ABCC9: variants seen among roughly 807,000 people sequenced by gnomAD.
ABCC9 encodes the protein ATP binding cassette subfamily C member 9.
A neutral mutation model predicts 188.3 loss-of-function variants in ABCC9; 95 were observed. The observed-to-expected ratio is 0.50, with a 90% CI of 0.43 to 0.60. ABCC9 has a LOEUF of 0.60. Among genes scored for constraint, ABCC9 ranks in the 20% least tolerant of loss-of-function variants. The pLI, the probability that ABCC9 is intolerant of heterozygous loss-of-function variation, is 0.00. For synonymous variants in ABCC9, 659 were observed against 652.7 expected (o/e 1.01, Z -0.15); for missense variants, 1,102 against 1,876.3 (o/e 0.59, Z 7.62).
chr12:21,817,329 A>G (rs538119713), intron 32 of ABCC9, 22 bp from the exon 33 acceptor site: 1 of 1,611,736 alleles, frequency 6.2e-7, no homozygotes, highest in Admixed American at 1.7e-5. Context: ...GATTAAAAAA[A>G]TTGTTTTAAA....
At chr12:21,896,829 A>G (rs1490483949) in intron 12 of ABCC9, among the ~76,000 whole-genome samples, 1 of 152,244 alleles carries the variant, frequency 6.6e-6, no homozygotes, top group African/African-American at 2.4e-5. Context: ...ACTGATGGAC[A>G]TTTGGATTGA....
At chr12:21,867,496 T>C (rs1945837796) in intron 18 of ABCC9, among the ~76,000 whole-genome samples, 1 of 152,152 alleles carries the variant, frequency 6.6e-6, no homozygotes, top group Non-Finnish European at 1.5e-5. Flanking sequence ...ACACAGTGTA[T>C]TAGCAACTTC....
Position 21,829,359 on chromosome 12 carries a change from G to A in ABCC9, c.3567-299C>T, listed in dbSNP as rs187284215. 1.5e-3 allele frequency among the ~76,000 whole-genome samples: 234 copies of A among 151,938 alleles called. 5 individuals are homozygous for A. In the East Asian group the frequency reaches 0.04, roughly 26 times the overall value. On this transcript the variant is annotated intron_variant, in intron 30 of 39. Transcript: ENST00000261200. The stretch of plus-strand genomic sequence containing the variant: ...TGGGACTACAGGCACCCGCCACCAT[G>A]CCCGGCTAATTTTTTGTATTTTTAG...
intron 39 of ABCC9, among the ~76,000 whole-genome samples, chr12:21,804,687 C>G (rs1357465523): frequency 1.3e-5 from 2 of 152,164 alleles, no homozygotes; most frequent in Admixed American, 1.3e-4. Flanking sequence ...TCATTTCCTG[C>G]CATCTTGAAA....
intron 24 of ABCC9, among the ~76,000 whole-genome samples, chr12:21,850,106 C>G (rs77732183): frequency 6.6e-6 from 1 of 151,190 alleles, no homozygotes; most frequent in Non-Finnish European, 1.5e-5. Context: ...AGCTGGACAA[C>G]GCACTGTTGC....
chr12:21,905,112 G>A (rs545692104), intron 12 of ABCC9, among the ~76,000 whole-genome samples: 10 of 152,174 alleles, frequency 6.6e-5, no homozygotes, highest in African/African-American at 2.4e-4. Context: ...AAAAGGATGA[G>A]TTCATGTAGG....
intron 22 of ABCC9, among the ~76,000 whole-genome samples, chr12:21,852,780 T>C (rs1470259333): frequency 6.6e-6 from 1 of 150,718 alleles, no homozygotes; most frequent in Non-Finnish European, 1.5e-5. Context: ...GAAAATAAAA[T>C]AAAAAAGGGC....
At chr12:21,864,332 TAATA>T (rs1945677566) in intron 19 of ABCC9, 103 bp downstream of exon 19, 10 of 868,230 alleles carry the variant, frequency 1.2e-5, no homozygotes, top group Non-Finnish European at 1.3e-5. Flanking sequence ...TAGCACACTT[TAATA>T]AATAACTATA....
intron 24 of ABCC9, among the ~76,000 whole-genome samples, chr12:21,850,331 G>A (rs1944900421): frequency 1.3e-5 from 2 of 152,030 alleles, no homozygotes; most frequent in African/African-American, 4.8e-5. Context: ...TATCGTAGTG[G>A]TCTTGTTCAC....
chr12:21,805,361 A>C, intron 39 of ABCC9: 2 of 1,564,224 alleles, frequency 1.3e-6, no homozygotes, highest in Non-Finnish European at 1.8e-6. Context: ...AAAAATGTCC[A>C]AGTGACTCAT....
intron 22 of ABCC9, among the ~76,000 whole-genome samples, chr12:21,854,238 A>G (rs537139588): frequency 1.8e-4 from 27 of 152,346 alleles, no homozygotes; most frequent in Non-Finnish European, 2.9e-4. Context: ...ATGTATAATC[A>G]TTATAGATTG....
rs1941399882 is a variant in ABCC9 at position 21,800,998 on chromosome 12, T to A, written c.*46A>T. On this transcript the variant is annotated 3_prime_UTR_variant, in exon 40 of 40. Transcript: ENST00000261200. The stretch of plus-strand genomic sequence containing the variant: ...CAAGCTGATGATCCATTAATTAGGT[T>A]ATGACTGCATTATTTTAAATACATG... 6.2e-7 allele frequency: 1 copy of A among 1,611,046 alleles called. No homozygotes were observed. Among genetic ancestry groups the A allele is most frequent in the East Asian group, 2.2e-5 (1 of 44,812 alleles).
Position 21,859,667 on chromosome 12 carries a change from C to A in ABCC9, c.2425-1G>T, listed in dbSNP as rs771241172. The A allele has an allele frequency of 4.3e-6, 7 of 1,613,598 alleles. No homozygotes were observed. The highest frequency in any genetic ancestry group is 5.9e-6 in the Non-Finnish European group (7 of 1,179,750). On this transcript the variant is annotated splice_acceptor_variant, in intron 21 of 39. Transcript: ENST00000261200. LOFTEE classifies it high-confidence loss of function. ...TCTGTCCCCCACTCAGGTTGATGCC[C>A]TAGAGAAGAGACACCCCCAAATACC...
chr12:21,928,203 G>C (rs1046487998), intron 4 of ABCC9, among the ~76,000 whole-genome samples: 1 of 144,318 alleles, frequency 6.9e-6, no homozygotes, highest in Non-Finnish European at 1.5e-5. Flanking sequence ...CTGGGCAACA[G>C]AGCAAGACTC....
At position 21,818,147 on chromosome 12, in the gene ABCC9, T is replaced by C; in HGVS notation, c.3771+3A>G. On this transcript the variant is annotated splice_donor_region_variant and intron_variant, in intron 32 of 39. Coordinates refer to ENST00000261200, the MANE Select transcript of ABCC9 (RefSeq NM_020297.4). ...TTCCTGTAATATTTTTATCCATACC[T>C]ACCGTAAGTGCATACAGAAGACCCA... The C allele has an allele frequency of 6.3e-7, 1 of 1,599,880 alleles. No individual in the cohort carries two copies. The highest frequency in any genetic ancestry group is 8.6e-7 in the Non-Finnish European group (1 of 1,167,176).
At chr12:21,884,075 CT>C (rs201201740) in intron 15 of ABCC9, among the ~76,000 whole-genome samples, 237 of 146,986 alleles carry the variant, frequency 1.6e-3, no homozygotes, top group East Asian at 4.4e-3. Flanking sequence ...AAATAATTAA[CT>C]TTTTTTTTTT....
rs1209544683 is a variant in ABCC9, at chr12:21,805,924, G to T, written c.4512+74C>A. ...ACATAATTCAACACAAGTATATTTT[G>T]CTAAAACCTAAAGATGATAACATGT... On this transcript the variant is annotated intron_variant, in intron 39 of 39. Transcript: ENST00000261200. The T allele has an allele frequency of 2.2e-6, 3 of 1,376,732 alleles. No individual in the cohort carries two copies. The Admixed American group carries it at 5.1e-5, about 23-fold the overall frequency. 85.3% of individuals were successfully genotyped at this position (1,376,732 alleles called of 1,614,324 possible).
intron 31 of ABCC9, among the ~76,000 whole-genome samples, chr12:21,823,494 C>T (rs4148677): frequency 0.23 from 35,726 of 152,036 alleles, 4,987 homozygotes; most frequent in East Asian, 0.45. Flanking sequence ...ATTGTGAACA[C>T]ACAAAAAAGC....
At chr12:21,898,245 G>A (rs1241741120) in intron 12 of ABCC9, among the ~76,000 whole-genome samples, 1 of 152,134 alleles carries the variant, frequency 6.6e-6, no homozygotes, top group Non-Finnish European at 1.5e-5. Flanking sequence ...ACCACTTATG[G>A]CAATAATTGG....
Sources: allele counts gnomAD v4.1 joint callset (sites outside exome capture counted in the v4.1 genomes callset), GRCh38; gene constraint gnomAD v4.1.1; transcripts MANE v1.5; gene names NCBI Gene and HGNC (gene_info 2026-07-23, HGNC 2026-07-21).